GPATCH8: variants seen among roughly 807,000 people sequenced by gnomAD.
GPATCH8 encodes G patch domain-containing protein 8.
GPATCH8 carries 18 observed loss-of-function variants against 118.3 expected under a neutral mutation model. The ratio of observed to expected loss-of-function variants is 0.15; its 90% CI spans 0.11 to 0.23. The LOEUF is 0.23. Ranked by LOEUF, GPATCH8 falls within the 10% of genes least tolerant of loss-of-function variation. The probability of loss-of-function intolerance (pLI) is 1.00; values close to 1 mark genes in which losing one functional copy is unlikely to be tolerated. For synonymous variants in GPATCH8, 659 were observed against 684.7 expected, an observed-to-expected ratio of 0.96 and a Z score of 0.59; for missense variants, 1,631 against 1,873.8, an observed-to-expected ratio of 0.87 and a Z score of 2.39.
intron 3 of GPATCH8, among the ~76,000 whole-genome samples, chr17:44,437,550 T>G (rs947561494): frequency 4.6e-5 from 7 of 151,948 alleles, no homozygotes; most frequent in Admixed American, 1.3e-4. Flanking sequence ...TTTGGTTGTG[T>G]TGTTGTTGTT....
At position 44,398,374 on chromosome 17, in the gene GPATCH8, C is replaced by T. The variant is rs749973691; in HGVS notation, c.3703G>A (p.Gly1235Arg). ...GTPAHSDCYP[G>R]DPTISHNYLP... ...TAGTTATGGGAGATGGTTGGGTCCC[C>T]AGGGTAGCAGTCAGAATGTGCTGGG... Residue 1235 changes from glycine to arginine, a missense_variant, in exon 8 of 8, where the codon GGG (glycine) becomes AGG (arginine). Physicochemically the swap from Gly to Arg is moderately radical, Grantham distance 125. This residue lies in a region of GPATCH8 where 922 missense variants were observed against 879.7 expected (regional missense o/e 1.05). Coordinates refer to ENST00000591680, the MANE Select transcript of GPATCH8 (RefSeq NM_001002909.4). 1.2e-6 allele frequency: 2 copies of T among 1,614,054 alleles called. No homozygotes were observed. The highest frequency in any genetic ancestry group is 1.7e-6 in the Non-Finnish European group (2 of 1,179,960).
intron 5 of GPATCH8, among the ~76,000 whole-genome samples, chr17:44,430,921 G>C (rs906757404): frequency 6.6e-6 from 1 of 151,424 alleles, no homozygotes; most frequent in Non-Finnish European, 1.5e-5. Flanking sequence ...AAAGTGCTGG[G>C]ATTACAGGTG....
chr17:44,467,111 T>A, intron 2 of GPATCH8: 1 of 1,262,466 alleles, frequency 7.9e-7, no homozygotes. Context: ...CTTTAAAAAC[T>A]GGGCTGTCAA....
chr17:44,470,498 T>C (rs1289491359), intron 2 of GPATCH8, among the ~76,000 whole-genome samples: 1 of 144,640 alleles, frequency 6.9e-6, no homozygotes, highest in East Asian at 2.0e-4. Context: ...CCAGCGCTTT[T>C]TTTTTTTTTT....
At chr17:44,482,919 G>A (rs1243314939) in intron 1 of GPATCH8, among the ~76,000 whole-genome samples, 4 of 150,272 alleles carry the variant, frequency 2.7e-5, no homozygotes, top group Non-Finnish European at 5.9e-5. Context: ...CACTTTGGGA[G>A]GCCGAGGCAG....
At chr17:44,459,170 G>A (rs1305394501) in intron 3 of GPATCH8, among the ~76,000 whole-genome samples, 1 of 152,078 alleles carries the variant, frequency 6.6e-6, no homozygotes, top group African/African-American at 2.4e-5. Context: ...AGGGATTTAG[G>A]GGCTCTAAAA....
intron 6 of GPATCH8, among the ~76,000 whole-genome samples, chr17:44,419,102 C>T (rs942936544): frequency 2.0e-5 from 3 of 152,182 alleles, no homozygotes; most frequent in African/African-American, 7.2e-5. Flanking sequence ...GACCATATAG[C>T]TCCTTTTGGA....
chr17:44,475,939 G>C (rs1282655598), intron 1 of GPATCH8, among the ~76,000 whole-genome samples: 1 of 152,070 alleles, frequency 6.6e-6, no homozygotes, highest in African/African-American at 2.4e-5. Flanking sequence ...TGTGATGGGA[G>C]GATCACTTAG....
At chr17:44,426,328 T>A (rs2050087544) in intron 5 of GPATCH8, among the ~76,000 whole-genome samples, 1 of 152,010 alleles carries the variant, frequency 6.6e-6, no homozygotes, top group Middle Eastern at 3.2e-3. Context: ...TGAGGCCAGG[T>A]GCGGTGGCTC....
chr17:44,409,481 A>C (rs1459155869), intron 6 of GPATCH8: 1 of 152,242 alleles, frequency 6.6e-6, no homozygotes, highest in Admixed American at 6.5e-5. Context: ...CCTTCAAAAG[A>C]GGTGACTGTT....
intron 6 of GPATCH8, among the ~76,000 whole-genome samples, chr17:44,422,465 C>T (rs192181416): frequency 2.0e-4 from 31 of 151,892 alleles, no homozygotes; most frequent in African/African-American, 7.0e-4. Context: ...GCTGCGATTA[C>T]AGGTGCGAGC....
intron 2 of GPATCH8, among the ~76,000 whole-genome samples, chr17:44,472,649 A>T (rs1967382649): frequency 6.6e-6 from 1 of 152,126 alleles, no homozygotes; most frequent in African/African-American, 2.4e-5. Context: ...TGATTCTGAC[A>T]GCTCTGTCTT....
At chr17:44,404,147 C>CT (rs907090011) in intron 7 of GPATCH8, among the ~76,000 whole-genome samples, 5 of 151,704 alleles carry the variant, frequency 3.3e-5, no homozygotes, top group Non-Finnish European at 5.9e-5. Flanking sequence ...AAAGGGGATT[C>CT]TTTTTTTTGA....
intron 3 of GPATCH8, 143 bp downstream of exon 3, chr17:44,464,329 G>T (rs2051676812): frequency 1.3e-6 from 1 of 742,562 alleles, no homozygotes; most frequent in Non-Finnish European, 2.5e-6. Context: ...TACAGTTATA[G>T]GACAAACAGA....
intron 1 of GPATCH8, among the ~76,000 whole-genome samples, chr17:44,480,324 G>A (rs987104794): frequency 9.2e-5 from 14 of 152,120 alleles, no homozygotes; most frequent in African/African-American, 3.1e-4. Context: ...GCTCATGCCT[G>A]TAATCCCAGC....
intron 3 of GPATCH8, among the ~76,000 whole-genome samples, chr17:44,455,111 TAAG>T (rs2051277592): frequency 6.6e-6 from 1 of 152,218 alleles, no homozygotes; most frequent in South Asian, 2.1e-4. Flanking sequence ...CAGCTTTTCC[TAAG>T]AAGGGAAAAG....
chr17:44,452,290 GAA>G (rs781273009), intron 3 of GPATCH8, among the ~76,000 whole-genome samples: 78 of 107,254 alleles, frequency 7.3e-4, no homozygotes, highest in African/African-American at 2.8e-3. Context: ...AAAAAAAAAA[GAA>G]AAAAAAAAAA....
intron 6 of GPATCH8, among the ~76,000 whole-genome samples, chr17:44,423,722 AACTAGTT>A (rs1161016126): frequency 2.0e-5 from 3 of 152,116 alleles, no homozygotes; most frequent in African/African-American, 7.2e-5. Flanking sequence ...GTATATCAGT[AACTAGTT>A]AGGTACAATT....
intron 3 of GPATCH8, among the ~76,000 whole-genome samples, chr17:44,447,767 C>T (rs1217714880): frequency 6.6e-6 from 1 of 152,150 alleles, no homozygotes; most frequent in South Asian, 2.1e-4. Flanking sequence ...GCTAGGGCTA[C>T]AGGCATAAGC....
Sources: gnomAD v4.1 joint callset for allele counts (sites outside exome capture counted in the v4.1 genomes callset) on GRCh38, gnomAD v4.1.1 for gene constraint, gnomAD v4.1.1 regional missense constraint, MANE v1.5 for transcripts, NCBI Gene and HGNC (gene_info 2026-07-23, HGNC 2026-07-21) for gene names.